Variants in CCDC40 observed in about 807,000 individuals in gnomAD.
CCDC40 encodes the protein coiled-coil domain 40 molecular ruler complex subunit.
Under a neutral mutation model 124.5 loss-of-function variants are expected in CCDC40, and 104 were observed. The ratio of observed to expected loss-of-function variants is 0.84; its 90% CI spans 0.71 to 0.98. CCDC40 has a LOEUF of 0.98. Ranked by LOEUF, CCDC40 falls within the 50% of genes least tolerant of loss-of-function variation. The pLI, the probability that CCDC40 is intolerant of heterozygous loss-of-function variation, is 0.00. For synonymous variants in CCDC40, 580 were observed against 602.9 expected (o/e 0.96, Z 0.56); for missense variants, 1,463 against 1,503.9 (o/e 0.97, Z 0.45).
rs372355148 is a variant in CCDC40, at chr17:80,094,689, G to A, written c.2833-574G>A. On this transcript the variant is annotated intron_variant, in intron 17 of 19. Coordinates refer to ENST00000397545, the MANE Select transcript of CCDC40 (RefSeq NM_017950.4). ...CAGCCTGGTGACAGAGCAAGACTCC[G>A]TCTCAAAAAATTTTTAAAAAAGCAC... Among the ~76,000 whole-genome samples the A allele has an allele frequency of 4.1e-4, 63 of 152,210 alleles. 1 individual carries two copies. In the South Asian group the frequency reaches 0.012, roughly 28 times the overall value.
intron 7 of CCDC40, among the ~76,000 whole-genome samples, chr17:80,057,154 G>A (rs1224549481): frequency 6.6e-6 from 1 of 151,760 alleles, no homozygotes. Flanking sequence ...TTGAGACAGA[G>A]TCTCACTTTG....
At chr17:80,047,756 C>CA (rs2037466439) in intron 4 of CCDC40, among the ~76,000 whole-genome samples, 1 of 152,118 alleles carries the variant, frequency 6.6e-6, no homozygotes, top group Non-Finnish European at 1.5e-5. Flanking sequence ...CTCCTGGTCT[C>CA]AGAGCGAGAC....
intron 12 of CCDC40, among the ~76,000 whole-genome samples, chr17:80,083,617 C>T (rs909378227): frequency 5.9e-5 from 9 of 152,224 alleles, no homozygotes; most frequent in African/African-American, 2.2e-4. Flanking sequence ...CAGCATCTCC[C>T]TGTTCCCAGA....
At position 80,087,804 on chromosome 17, in the gene CCDC40, G is replaced by C; in HGVS notation, c.2619+28G>C. 1.2e-6 allele frequency: 2 copies of C among 1,610,358 alleles called. No homozygotes were observed. The highest frequency in any genetic ancestry group is 1.7e-6 in the Non-Finnish European group (2 of 1,176,848). On this transcript the variant is annotated intron_variant, in intron 15 of 19. Transcript: ENST00000397545. This position sits in a 1 kb window ranked among gnomAD's most constrained non-coding sequence, Gnocchi z 4.5. ...CCGGCCGTGTCCACGCAGTCCCGGG[G>C]CTCAGGACGATGGAGGGCGGGGGTA...
intron 10 of CCDC40, among the ~76,000 whole-genome samples, chr17:80,075,275 CTT>C (rs71163915): frequency 0.3 from 32,295 of 107,444 alleles, 4,748 homozygotes; most frequent in African/African-American, 0.35. Context: ...CAAAATATTA[CTT>C]TTTTTTTTTT....
Position 80,058,732 on chromosome 17 carries a change from G to A in CCDC40, c.1317+81G>A. ...AGGGGCTCAGCTTTGCCTCCTGCGT[G>A]AAGGCTTCCGGCCGGAGGGGTGGCG... is the stretch of plus-strand genomic sequence containing the variant. On this transcript the variant is annotated intron_variant, in intron 8 of 19. Transcript: ENST00000397545. This position sits in a 1 kb window ranked among gnomAD's most constrained non-coding sequence, Gnocchi z 4.2. The A allele has an allele frequency of 6.2e-7, 1 of 1,605,394 alleles. No individual in the cohort carries two copies.
chr17:80,037,805 T>C (rs1178337581), intron 1 of CCDC40: 1 of 328,780 alleles, frequency 3.0e-6, no homozygotes, highest in Admixed American at 4.2e-5. Context: ...TTGTATTTCT[T>C]TTCCCCAGTT....
chr17:80,071,235 C>A (rs1003412040), intron 10 of CCDC40, among the ~76,000 whole-genome samples: 1 of 152,206 alleles, frequency 6.6e-6, no homozygotes, highest in African/African-American at 2.4e-5. Context: ...CTCTTACCTG[C>A]CTTTGTCCTA....
rs748827140 is a variant in CCDC40 at position 80,066,191 on chromosome 17, G to A, written c.1562+585G>A. On this transcript the variant is annotated intron_variant, in intron 10 of 19. Coordinates refer to ENST00000397545, the MANE Select transcript of CCDC40 (RefSeq NM_017950.4). This position sits in a 1 kb window ranked among gnomAD's most constrained non-coding sequence, Gnocchi z 4.4. Reference sequence around the variant, plus strand: ...CACTGTGGTGGCACGTGTCTCACCCGCTGAGCTTTAACTTCCCCTCCACCT... The same window carrying A: ...CACTGTGGTGGCACGTGTCTCACCCACTGAGCTTTAACTTCCCCTCCACCT... The A allele has an allele frequency of 2.0e-5, 14 of 702,774 alleles. No homozygotes were observed. Among genetic ancestry groups the A allele is most frequent in the Non-Finnish European group, 3.4e-5 (13 of 385,000 alleles). The allele number at this position is 702,774 out of a possible 1,614,324, so 43.5% of individuals were successfully genotyped here.
intron 10 of CCDC40, among the ~76,000 whole-genome samples, chr17:80,071,736 G>A (rs8080270): frequency 0.014 from 2,133 of 152,034 alleles, 53 homozygotes; most frequent in African/African-American, 0.049. Flanking sequence ...CCACCTGTAG[G>A]CTCATGGGAG....
Position 80,081,925 on chromosome 17 carries a change from A to AGGGCGAGCT in CCDC40, c.1859_1867dup (p.Gly620_Leu622dup). 1 of 1,614,004 alleles carries AGGGCGAGCT rather than the reference A, an allele frequency of 6.2e-7. No homozygotes were observed. The highest frequency in any genetic ancestry group is 8.5e-7 in the Non-Finnish European group (1 of 1,179,956). On this transcript the variant is annotated inframe_insertion, in exon 12 of 20. Transcript: ENST00000397545. Reference sequence around the variant, plus strand: ...TTGCAGGCCATCCGCCAAGCCATCCAGGGCGAGCTGGAGCTCAGGAGGAAG... The same window carrying AGGGCGAGCT: ...TTGCAGGCCATCCGCCAAGCCATCCAGGGCGAGCTGGGCGAGCTGGAGCTCAGGAGGAAG...
chr17:80,086,056 C>G lies in CCDC40; in HGVS notation c.2289C>G (p.Ile763Met). 2 of 1,614,090 alleles carry G rather than the reference C, an allele frequency of 1.2e-6. No homozygotes were observed. The highest frequency in any genetic ancestry group is 1.7e-6 in the Non-Finnish European group (2 of 1,180,028). Reference sequence around the variant, plus strand: ...AAATCAAAAGGCTGAGCAAGCTGATCGACGAGCACGATGGCAAGGCGGTCC... The same window carrying G: ...AAATCAAAAGGCTGAGCAAGCTGATGGACGAGCACGATGGCAAGGCGGTCC... ...ELEIKRLSKL[I>M]DEHDGKAVQA... The change falls in exon 14 of 20, where the codon ATC becomes ATG. Residue 763 changes from isoleucine to methionine, a missense_variant. Ile to Met is a conservative substitution (Grantham distance 10). Coordinates refer to ENST00000397545, the MANE Select transcript of CCDC40 (RefSeq NM_017950.4). The surrounding 1 kb of genome is among the most constrained non-coding windows in gnomAD (Gnocchi z 5.5).
intron 17 of CCDC40, among the ~76,000 whole-genome samples, chr17:80,094,493 G>A (rs1003102927): frequency 6.6e-5 from 10 of 151,956 alleles, no homozygotes; most frequent in Non-Finnish European, 1.3e-4. Context: ...TGGGCGGATC[G>A]AGACCATCTT....
At position 80,100,048 on chromosome 17, in the gene CCDC40, G is replaced by A. The variant is rs991776904; in HGVS notation, c.*273G>A. 7 of 493,816 alleles carry A rather than the reference G, an allele frequency of 1.4e-5. No homozygotes were observed. Among genetic ancestry groups the A allele is most frequent in the Non-Finnish European group, 2.6e-5 (7 of 270,558 alleles). The allele number at this position is 493,816 out of a possible 1,614,324, so 30.6% of individuals were successfully genotyped here. A position where few individuals can be genotyped will look rare whatever the true frequency, so the allele number is the denominator to read the frequency against. On this transcript the variant is annotated 3_prime_UTR_variant, in exon 20 of 20. Coordinates refer to ENST00000397545, the MANE Select transcript of CCDC40 (RefSeq NM_017950.4). ...CCACACACCCACACTCCCACACTGGGCTTACTCGTCCAGGTAACACTTTGG... is the reference window on the plus strand; with the variant it reads ...CCACACACCCACACTCCCACACTGGACTTACTCGTCCAGGTAACACTTTGG...
At chr17:80,074,408 C>A (rs930359588) in intron 10 of CCDC40, among the ~76,000 whole-genome samples, 2 of 152,126 alleles carry the variant, frequency 1.3e-5, no homozygotes, top group Admixed American at 6.5e-5. Context: ...TCACTTGAAC[C>A]CAGGAGGCGG....
intron 18 of CCDC40, among the ~76,000 whole-genome samples, chr17:80,096,558 G>T (rs1046975398): frequency 2.6e-5 from 4 of 151,046 alleles, no homozygotes; most frequent in Admixed American, 6.6e-5. Flanking sequence ...TGAGTCCCCT[G>T]CCAGGACCCC....
chr17:80,040,805 C>A (rs548675907), intron 3 of CCDC40, among the ~76,000 whole-genome samples: 2 of 152,310 alleles, frequency 1.3e-5, no homozygotes, highest in East Asian at 3.9e-4. Context: ...CCTCCATAGC[C>A]GCCATCCACG....
intron 7 of CCDC40, among the ~76,000 whole-genome samples, chr17:80,054,646 G>T (rs2037691981): frequency 6.6e-6 from 1 of 152,190 alleles, no homozygotes; most frequent in South Asian, 2.1e-4. Flanking sequence ...TCACAATTAG[G>T]AAATCTACTA....
rs1287325987 is a variant in CCDC40, at chr17:80,099,586, G to A, written c.3240G>A (p.Glu1080=). ...TTAAGCACCTGCAGGCTGTGAAGGA[G>A]GGGCGCTACGTGTTCCTGTTCCGCT... ...TRLKHLQAVK[E]GRYVFLFRSK... Residue 1080 remains glutamate (E), a synonymous_variant, in exon 20 of 20, where the codon GAG becomes GAA. Coordinates refer to ENST00000397545, the MANE Select transcript of CCDC40 (RefSeq NM_017950.4). The A allele has an allele frequency of 1.2e-6, 2 of 1,613,424 alleles. No individual in the cohort carries two copies. The highest frequency in any genetic ancestry group is 1.7e-6 in the Non-Finnish European group (2 of 1,180,028).
Sources: allele counts gnomAD v4.1 joint callset (sites outside exome capture counted in the v4.1 genomes callset), GRCh38; gene constraint gnomAD v4.1.1; non-coding constraint Gnocchi (gnomAD v3.1); transcripts MANE v1.5; gene names NCBI Gene and HGNC (gene_info 2026-07-23, HGNC 2026-07-21).